AKR1D1: variants seen among roughly 807,000 people sequenced by gnomAD.
The protein encoded by AKR1D1 is delta(4)-3-ketosteroid 5-beta-reductase.
A neutral mutation model predicts 42.6 loss-of-function variants in AKR1D1; 32 were observed. The ratio of observed to expected loss-of-function variants is 0.75; its 90% CI spans 0.57 to 1.01. AKR1D1 has a LOEUF of 1.01. Among genes scored for constraint, AKR1D1 ranks in the 50% least tolerant of loss-of-function variants. AKR1D1 has a pLI of 0.00. For synonymous variants in AKR1D1, 123 were observed against 135.5 expected (o/e 0.91, Z 0.64); for missense variants, 364 against 402.2 (o/e 0.91, Z 0.81).
At chr7:138,078,860 T>A (rs1160114694) in intron 1 of AKR1D1, among the ~76,000 whole-genome samples, 1 of 152,182 alleles carries the variant, frequency 6.6e-6, no homozygotes, top group Non-Finnish European at 1.5e-5. Context: ...AGAAGTGTAG[T>A]CCAAGCTCTT....
intron 1 of AKR1D1, among the ~76,000 whole-genome samples, 157 bp from the exon 2 acceptor site, chr7:138,088,444 C>T (rs959076181): frequency 2.0e-5 from 3 of 152,182 alleles, no homozygotes; most frequent in Admixed American, 6.5e-5. Context: ...GTCAGTTTCT[C>T]CTGCTGCTGA....
At chr7:138,094,826 GC>G (rs1402432112) in intron 3 of AKR1D1, among the ~76,000 whole-genome samples, 1 of 152,158 alleles carries the variant, frequency 6.6e-6, no homozygotes, top group East Asian at 1.9e-4. Context: ...GACTTCACAT[GC>G]TTTTTGAATC....
At chr7:138,115,916 A>G (rs915931215) in intron 8 of AKR1D1, among the ~76,000 whole-genome samples, 6 of 152,148 alleles carry the variant, frequency 3.9e-5, no homozygotes, top group African/African-American at 1.2e-4. Context: ...CAGGAGGTCT[A>G]GTGAGAGGGG....
At chr7:138,086,429 CTAA>C (rs1803181098) in intron 1 of AKR1D1, among the ~76,000 whole-genome samples, 1 of 152,088 alleles carries the variant, frequency 6.6e-6, no homozygotes. Flanking sequence ...ACAAATATTT[CTAA>C]TGTTGCTGAA....
At chr7:138,106,822 C>G in intron 6 of AKR1D1, 105 bp downstream of exon 6, 2 of 831,510 alleles carry the variant, frequency 2.4e-6, no homozygotes, top group East Asian at 2.6e-5. Flanking sequence ...GCAACCTCTT[C>G]AAGTCATTAT....
chr7:138,100,766 G>T (rs1270816867), intron 4 of AKR1D1, among the ~76,000 whole-genome samples: 1 of 145,292 alleles, frequency 6.9e-6, no homozygotes, highest in Non-Finnish European at 1.5e-5. Flanking sequence ...GTGCAGTGGC[G>T]CGATCTCAGC....
chr7:138,105,568 G>C, intron 5 of AKR1D1, 139 bp downstream of exon 5: 1 of 1,307,322 alleles, frequency 7.6e-7, no homozygotes, highest in Non-Finnish European at 1.1e-6. Context: ...CAAGTCTTTA[G>C]ACTTCTTTCT....
intron 4 of AKR1D1, among the ~76,000 whole-genome samples, chr7:138,101,303 G>A (rs1475041622): frequency 2.0e-5 from 3 of 150,754 alleles, no homozygotes; most frequent in East Asian, 2.0e-4. Context: ...GGGTTCAATC[G>A]ATTCTCCTGC....
intron 2 of AKR1D1, among the ~76,000 whole-genome samples, chr7:138,090,125 G>T (rs1585725497): frequency 1.3e-5 from 2 of 152,124 alleles, no homozygotes; most frequent in East Asian, 3.8e-4. Flanking sequence ...GAAAAAGAAA[G>T]TAAAATAAAT....
intron 1 of AKR1D1, among the ~76,000 whole-genome samples, chr7:138,084,516 C>A (rs548482867): frequency 6.6e-6 from 1 of 152,006 alleles, no homozygotes; most frequent in African/African-American, 2.4e-5. Flanking sequence ...ACTGCGCCAG[C>A]ATAATCCAGC....
intron 1 of AKR1D1, among the ~76,000 whole-genome samples, chr7:138,085,385 G>T (rs117372516): frequency 0.025 from 3,724 of 151,328 alleles, 64 homozygotes; most frequent in Middle Eastern, 0.062. Flanking sequence ...CAGCACCATG[G>T]TGGACTACAC....
intron 2 of AKR1D1, 80 bp from the exon 3 acceptor site, chr7:138,091,688 T>A: frequency 6.4e-6 from 7 of 1,099,868 alleles, no homozygotes; most frequent in Admixed American, 5.4e-5. Context: ...TGTGTACGAG[T>A]GTTTTACAAA....
intron 8 of AKR1D1, among the ~76,000 whole-genome samples, chr7:138,115,421 T>C (rs1218471106): frequency 6.6e-6 from 1 of 152,192 alleles, no homozygotes; most frequent in Non-Finnish European, 1.5e-5. Flanking sequence ...AGCAAGGCCC[T>C]GTCTCAAAAC....
At chr7:138,093,553 C>T (rs1025303702) in intron 3 of AKR1D1, among the ~76,000 whole-genome samples, 2 of 152,076 alleles carry the variant, frequency 1.3e-5, no homozygotes, top group African/African-American at 4.8e-5. Context: ...CACATCTCGT[C>T]CCACTGGAGG....
At chr7:138,101,425 C>T (rs950128627) in intron 4 of AKR1D1, among the ~76,000 whole-genome samples, 2 of 152,058 alleles carry the variant, frequency 1.3e-5, no homozygotes, top group African/African-American at 4.8e-5. Flanking sequence ...GTCTCGAACT[C>T]CTGACCTCGT....
At chr7:138,100,699 CTTTTTT>C (rs749956421) in intron 4 of AKR1D1, among the ~76,000 whole-genome samples, 3 of 88,392 alleles carry the variant, frequency 3.4e-5, no homozygotes, top group South Asian at 4.7e-4. Flanking sequence ...GTCAGAGATT[CTTTTTT>C]TTTTTTTTTT....
chr7:138,117,969 A>G lies in AKR1D1; in HGVS notation c.*1307A>G, dbSNP rs1426564673. ...GGGAGGAGGAGCTTGCAGTGAGCCGAGATAGCGCCACTGCAGTCCGGCCTG... is the reference window on the plus strand; with the variant it reads ...GGGAGGAGGAGCTTGCAGTGAGCCGGGATAGCGCCACTGCAGTCCGGCCTG... On this transcript the variant is annotated 3_prime_UTR_variant, in exon 9 of 9. Coordinates refer to ENST00000242375, the MANE Select transcript of AKR1D1 (RefSeq NM_005989.4). The G allele has an allele frequency of 6.6e-6, 1 of 152,192 alleles. No individual in the cohort carries two copies. The highest frequency in any genetic ancestry group is 2.4e-5 in the African/African-American group (1 of 41,454). The allele number at this position is 152,192 out of a possible 1,614,324, so 9.4% of individuals were successfully genotyped here.
intron 1 of AKR1D1, among the ~76,000 whole-genome samples, chr7:138,079,735 C>G (rs528831829): frequency 6.6e-6 from 1 of 152,234 alleles, no homozygotes; most frequent in African/African-American, 2.4e-5. Context: ...TTTCCACTGA[C>G]CCACCCAAAC....
At chr7:138,082,226 A>G (rs568481500) in intron 1 of AKR1D1, among the ~76,000 whole-genome samples, 15 of 152,260 alleles carry the variant, frequency 9.9e-5, no homozygotes, top group Admixed American at 2.6e-4. Flanking sequence ...ATATCTTATC[A>G]GATTTTTGTT....
Sources: allele counts gnomAD v4.1 joint callset (sites outside exome capture counted in the v4.1 genomes callset), GRCh38; gene constraint gnomAD v4.1.1; transcripts MANE v1.5; gene names NCBI Gene and HGNC (gene_info 2026-07-23, HGNC 2026-07-21).